The following TARS3 variants were observed in gnomAD, a reference collection of about 807,000 sequenced individuals.
TARS3 encodes threonyl-tRNA synthetase 3.
Under a neutral mutation model 103.5 loss-of-function variants are expected in TARS3, and 94 were observed. That is an observed-to-expected ratio of 0.91 (90% CI 0.77 to 1.08). TARS3 has a LOEUF of 1.08. Ranked by LOEUF, TARS3 falls within the 50% of genes least tolerant of loss-of-function variation. The pLI, the probability that TARS3 is intolerant of heterozygous loss-of-function variation, is 0.00. For missense variants in TARS3, 952 were observed against 995.2 expected (o/e 0.96, Z 0.58); for synonymous variants, 416 against 355.4 (o/e 1.17, Z -1.92).
chr15:101,709,706 G>T (rs1899760073), intron 5 of TARS3, among the ~76,000 whole-genome samples: 1 of 152,174 alleles, frequency 6.6e-6, no homozygotes, highest in South Asian at 2.1e-4. Context: ...GCTCCATGAG[G>T]ACAGACTGGT....
intron 12 of TARS3, among the ~76,000 whole-genome samples, chr15:101,678,468 T>G (rs1898120313): frequency 6.6e-6 from 1 of 152,176 alleles, no homozygotes; most frequent in Non-Finnish European, 1.5e-5. Context: ...CAATTCCAAT[T>G]TATCTATAGG....
At chr15:101,720,996 C>T in intron 3 of TARS3, 130 bp downstream of exon 3, 1 of 782,586 alleles carries the variant, frequency 1.3e-6, no homozygotes, top group Non-Finnish European at 2.0e-6. Flanking sequence ...TTATAAATAA[C>T]CCAGTCTCAG....
At position 101,705,749 on chromosome 15, in the gene TARS3, T is replaced by A; in HGVS notation, c.931-2A>T. ...AATGCGGCATTTAAATTTATTGTACTACGAAGAAAAACATATTTACACATT... is the reference window on the plus strand; with the variant it reads ...AATGCGGCATTTAAATTTATTGTACAACGAAGAAAAACATATTTACACATT... On this transcript the variant is annotated splice_acceptor_variant, in intron 6 of 18. Coordinates refer to ENST00000335968, the MANE Select transcript of TARS3 (RefSeq NM_152334.3). LOFTEE classifies it high-confidence loss of function. The A allele has an allele frequency of 6.2e-7, 1 of 1,600,620 alleles. No individual in the cohort carries two copies. The highest frequency in any genetic ancestry group is 8.5e-7 in the Non-Finnish European group (1 of 1,170,416).
At chr15:101,659,701 CTATT>C (rs1897308798) in intron 16 of TARS3, among the ~76,000 whole-genome samples, 1 of 152,186 alleles carries the variant, frequency 6.6e-6, no homozygotes, top group Non-Finnish European at 1.5e-5. Flanking sequence ...CTATGGTAAA[CTATT>C]TAAAACCAAC....
intron 11 of TARS3, among the ~76,000 whole-genome samples, chr15:101,685,325 A>G (rs1898422992): frequency 6.6e-6 from 1 of 152,200 alleles, no homozygotes; most frequent in South Asian, 2.1e-4. Flanking sequence ...TTAGTCTTTC[A>G]TAGAATCAAA....
intron 10 of TARS3, among the ~76,000 whole-genome samples, chr15:101,690,281 C>T (rs1478921144): frequency 6.6e-6 from 1 of 152,168 alleles, no homozygotes; most frequent in Non-Finnish European, 1.5e-5. Context: ...CCGCACAAGG[C>T]TTACTTGCTG....
chr15:101,681,493 T>A (rs372388808), intron 12 of TARS3, among the ~76,000 whole-genome samples: 2 of 152,260 alleles, frequency 1.3e-5, no homozygotes, highest in Non-Finnish European at 2.9e-5. Flanking sequence ...TGTGTATGTA[T>A]GTATTACTCA....
At chr15:101,655,030 G>C (rs193078119) in intron 18 of TARS3, among the ~76,000 whole-genome samples, 1 of 151,784 alleles carries the variant, frequency 6.6e-6, no homozygotes, top group African/African-American at 2.4e-5. Flanking sequence ...ATGAGAGCGG[G>C]GAGCTCTTAC....
intron 18 of TARS3, among the ~76,000 whole-genome samples, chr15:101,656,373 T>C (rs938046099): frequency 6.6e-6 from 1 of 152,252 alleles, no homozygotes; most frequent in Non-Finnish European, 1.5e-5. Flanking sequence ...GAAATAGCAA[T>C]ACTGTGCCTG....
intron 5 of TARS3, among the ~76,000 whole-genome samples, chr15:101,710,604 C>T (rs1466311473): frequency 1.3e-5 from 2 of 152,210 alleles, no homozygotes; most frequent in East Asian, 3.9e-4. Context: ...AAAACCCACA[C>T]CTTTGAGATA....
intron 3 of TARS3, among the ~76,000 whole-genome samples, chr15:101,716,100 C>T (rs764373683): frequency 2.6e-5 from 4 of 151,618 alleles, no homozygotes; most frequent in African/African-American, 7.3e-5. Flanking sequence ...CACCGCAACC[C>T]CTGCCTTCTG....
intron 15 of TARS3, among the ~76,000 whole-genome samples, chr15:101,669,072 T>A (rs973052949): frequency 6.6e-6 from 1 of 152,182 alleles, no homozygotes; most frequent in Non-Finnish European, 1.5e-5. Flanking sequence ...TCATGGGTGA[T>A]GACAGCTCCA....
At position 101,719,476 on chromosome 15, in the gene TARS3, ACT is replaced by A. The variant is rs540751830; in HGVS notation, c.566+1648_566+1649del. 1.1e-4 allele frequency among the ~76,000 whole-genome samples: 17 copies of A among 152,030 alleles called. No homozygotes were observed. The South Asian group carries it at 2.7e-3, about 24-fold the overall frequency. On this transcript the variant is annotated intron_variant, in intron 3 of 18. Transcript: ENST00000335968. Reference sequence around the variant, plus strand: ...ATGTCAGAGGGGCAGACTGTGGCAGACTCTCTGTTGTTCCATAAACCATTCCT... The same window carrying A: ...ATGTCAGAGGGGCAGACTGTGGCAGACTCTGTTGTTCCATAAACCATTCCT...
intron 4 of TARS3, among the ~76,000 whole-genome samples, chr15:101,714,323 G>C (rs905198822): frequency 5.3e-5 from 8 of 152,028 alleles, no homozygotes; most frequent in African/African-American, 1.9e-4. Flanking sequence ...AAATGATAAG[G>C]CTGGGCACAG....
chr15:101,714,974 A>G lies in TARS3; in HGVS notation c.567-11T>C. ...TCAGCCAGTTCCTGACTAAGAAGAC[A>G]AAAGCCACTTGGGAGTTAACTTTAT... On this transcript the variant is annotated splice_polypyrimidine_tract_variant and intron_variant, in intron 3 of 18. Transcript: ENST00000335968. The G allele has an allele frequency of 6.2e-7, 1 of 1,605,084 alleles. No individual in the cohort carries two copies. The highest frequency in any genetic ancestry group is 2.2e-5 in the East Asian group (1 of 44,738).
chr15:101,701,721 C>T (rs190482576), intron 9 of TARS3, among the ~76,000 whole-genome samples: 37 of 152,334 alleles, frequency 2.4e-4, no homozygotes, highest in African/African-American at 3.1e-4. Context: ...TCCTTCTACA[C>T]GCTGCTCTGT....
intron 4 of TARS3, among the ~76,000 whole-genome samples, chr15:101,713,446 G>A (rs550515040): frequency 3.9e-5 from 6 of 152,172 alleles, no homozygotes; most frequent in African/African-American, 1.2e-4. Flanking sequence ...TTGATAGCTC[G>A]ATGGGAATGA....
chr15:101,701,933 G>A lies in TARS3; in HGVS notation c.1221+306C>T, dbSNP rs975067697. Among the ~76,000 whole-genome samples, 15 of 152,126 alleles carry A rather than the reference G, an allele frequency of 9.9e-5. 1 individual carries two copies. Among genetic ancestry groups the A allele is most frequent in the South Asian group, 2.1e-4 (1 of 4,826 alleles). Reference sequence around the variant, plus strand: ...TGGGACTACAAGCGCGTGCTGCCACGCCTGGCTAATTTTTTTGTATTTCTA... The same window carrying A: ...TGGGACTACAAGCGCGTGCTGCCACACCTGGCTAATTTTTTTGTATTTCTA... On this transcript the variant is annotated intron_variant, in intron 9 of 18. Transcript: ENST00000335968.
chr15:101,691,411 CTGAGATCACA>C (rs1898718245), intron 10 of TARS3, among the ~76,000 whole-genome samples: 1 of 152,068 alleles, frequency 6.6e-6, no homozygotes. Flanking sequence ...TCCCAAGTAG[CTGAGATCACA>C]AATGTGCACC....
Sources: allele counts gnomAD v4.1 joint callset (sites outside exome capture counted in the v4.1 genomes callset), GRCh38; gene constraint gnomAD v4.1.1; transcripts MANE v1.5; gene names NCBI Gene and HGNC (gene_info 2026-07-23, HGNC 2026-07-21).